Variants in TEAD4 observed in about 807,000 individuals in gnomAD.
TEAD4 encodes the protein transcriptional enhancer factor TEF-3.
A neutral mutation model predicts 52.4 loss-of-function variants in TEAD4; 36 were observed. The ratio of observed to expected loss-of-function variants is 0.69; its 90% CI spans 0.53 to 0.91. TEAD4 has a LOEUF of 0.91. TEAD4 is among the 40% of genes least tolerant of loss of function. The probability of loss-of-function intolerance (pLI) is 0.00; values close to 1 mark genes in which losing one functional copy is unlikely to be tolerated. For synonymous variants in TEAD4, 220 were observed against 231.0 expected (o/e 0.95, Z 0.43); for missense variants, 508 against 583.9 (o/e 0.87, Z 1.34).
intron 2 of TEAD4, among the ~76,000 whole-genome samples, chr12:2,966,375 C>G (rs982173502): frequency 6.6e-6 from 1 of 151,392 alleles, no homozygotes; most frequent in Admixed American, 6.6e-5. Flanking sequence ...CTCCCAGGAG[C>G]CTGTGTGGCC....
At chr12:2,978,909 A>G (rs1343770781) in intron 2 of TEAD4, among the ~76,000 whole-genome samples, 1 of 151,274 alleles carries the variant, frequency 6.6e-6, no homozygotes, top group East Asian at 2.0e-4. Flanking sequence ...TCAGAATTTC[A>G]TGCCTTTTTT....
intron 3 of TEAD4, among the ~76,000 whole-genome samples, chr12:2,997,748 A>G (rs2098248359): frequency 7.1e-6 from 1 of 140,790 alleles, no homozygotes. Flanking sequence ...CTAAATCAAC[A>G]GACATTTGTG....
At chr12:3,010,673 A>G (rs551870005) in intron 3 of TEAD4, among the ~76,000 whole-genome samples, 1 of 152,258 alleles carries the variant, frequency 6.6e-6, no homozygotes, top group East Asian at 1.9e-4. Context: ...GTGTGGGGAG[A>G]GGAGAGGAGG....
chr12:2,975,898 C>T (rs2098229250), intron 2 of TEAD4, among the ~76,000 whole-genome samples: 1 of 152,108 alleles, frequency 6.6e-6, no homozygotes, highest in Non-Finnish European at 1.5e-5. Flanking sequence ...GTAGTTTTGC[C>T]TTTTCTAGAA....
rs1482022775 is a variant in TEAD4 at position 3,039,986 on chromosome 12, T to TG, written c.1039-116dup. 4 of 1,365,204 alleles carry TG rather than the reference T, an allele frequency of 2.9e-6. No individual in the cohort carries two copies. The South Asian group carries it at 5.5e-5, about 19-fold the overall frequency. The allele number at this position is 1,365,204 out of a possible 1,614,324, so 84.6% of individuals were successfully genotyped here. A position where few individuals can be genotyped will look rare whatever the true frequency, so the allele number is the denominator to read the frequency against. ...ACAGGTGTGAGCCACTGCCCCTGGC[T>TG]GGGGGTGACTCTTTTCTTAAGGGCC... On this transcript the variant is annotated intron_variant, in intron 11 of 12. Transcript: ENST00000359864.
At chr12:3,018,949 C>T (rs60761208) in intron 7 of TEAD4, among the ~76,000 whole-genome samples, 166 bp from the exon 8 acceptor site, 2 of 152,028 alleles carry the variant, frequency 1.3e-5, no homozygotes, top group Admixed American at 6.5e-5. Flanking sequence ...GGACCCGCCA[C>T]GAAACCCAGG....
intron 3 of TEAD4, 91 bp downstream of exon 3, chr12:2,995,083 G>A: frequency 2.0e-6 from 3 of 1,487,794 alleles, no homozygotes; most frequent in Non-Finnish European, 2.7e-6. Context: ...CCACAGAAGG[G>A]GATGACCACT....
At chr12:2,989,516 G>A (rs1009320983) in intron 2 of TEAD4, among the ~76,000 whole-genome samples, 3 of 152,176 alleles carry the variant, frequency 2.0e-5, no homozygotes, top group East Asian at 3.9e-4. Flanking sequence ...TGGGCTCACC[G>A]CAACCTCTAC....
At chr12:2,969,454 G>C (rs1036983319) in intron 2 of TEAD4, among the ~76,000 whole-genome samples, 2 of 152,172 alleles carry the variant, frequency 1.3e-5, no homozygotes, top group Non-Finnish European at 2.9e-5. Flanking sequence ...ACTGTACATA[G>C]AGTTTCATTA....
chr12:2,995,745 G>A (rs1274711904), intron 3 of TEAD4, among the ~76,000 whole-genome samples: 2 of 152,180 alleles, frequency 1.3e-5, no homozygotes, highest in African/African-American at 4.8e-5. Flanking sequence ...GCTCACTCAA[G>A]CCTGTGATTC....
At chr12:3,038,432 G>A (rs975308679) in intron 11 of TEAD4, among the ~76,000 whole-genome samples, 2 of 152,236 alleles carry the variant, frequency 1.3e-5, no homozygotes, top group Non-Finnish European at 2.9e-5. Context: ...CTTCACAGTG[G>A]AGGCCCAGAG....
chr12:2,962,328 A>ATG (rs1491486006), intron 2 of TEAD4, among the ~76,000 whole-genome samples: 45 of 5,894 alleles, frequency 7.6e-3, no homozygotes, highest in African/African-American at 0.011. Context: ...ATATATATAA[A>ATG]TATAAATATA....
intron 10 of TEAD4, among the ~76,000 whole-genome samples, chr12:3,024,005 T>A (rs370809722): frequency 2.2e-4 from 33 of 152,282 alleles, no homozygotes; most frequent in African/African-American, 7.9e-4. Context: ...TTAGCTGTGT[T>A]ACATCACTTT....
At chr12:3,023,373 T>A (rs999533251) in intron 10 of TEAD4, among the ~76,000 whole-genome samples, 1 of 152,190 alleles carries the variant, frequency 6.6e-6, no homozygotes, top group African/African-American at 2.4e-5. Context: ...TACTAAAGTT[T>A]GAGTTTTAAC....
intron 2 of TEAD4, among the ~76,000 whole-genome samples, chr12:2,990,178 T>C (rs1174751329): frequency 6.6e-6 from 1 of 152,210 alleles, no homozygotes; most frequent in Non-Finnish European, 1.5e-5. Flanking sequence ...ATGTTTATTT[T>C]TAAATGTTTG....
chr12:2,963,814 G>A (rs1342019366), intron 2 of TEAD4, among the ~76,000 whole-genome samples: 1 of 152,164 alleles, frequency 6.6e-6, no homozygotes, highest in Non-Finnish European at 1.5e-5. Context: ...TTTAATACAG[G>A]GGGGCTCCTG....
At chr12:2,970,463 CATA>C (rs1430300423) in intron 2 of TEAD4, among the ~76,000 whole-genome samples, 1 of 152,214 alleles carries the variant, frequency 6.6e-6, no homozygotes, top group African/African-American at 2.4e-5. Flanking sequence ...TTCCCCGGCA[CATA>C]ATAACCACTG....
rs555272304 is a variant in TEAD4, at chr12:3,021,979, C to T, written c.859C>T (p.Arg287Trp). 16 of 1,614,236 alleles carry T rather than the reference C, an allele frequency of 9.9e-6. No homozygotes were observed. The highest frequency in any genetic ancestry group is 1.6e-4 in the Middle Eastern group (1 of 6,062). Residue 287 changes from arginine (R) to tryptophan (W), a missense_variant, in exon 10 of 13, where the codon CGG (arginine) becomes TGG (tryptophan). Arg to Trp is a moderately radical substitution (Grantham distance 101). Transcript: ENST00000359864. Reference sequence around the variant, plus strand: ...GGGTGGACTCAAGGATCTCTTCGAACGGGGACCCTCCAATGCCTTTTTTCT... The same window carrying T: ...GGGTGGACTCAAGGATCTCTTCGAATGGGGACCCTCCAATGCCTTTTTTCT...
intron 2 of TEAD4, 178 bp downstream of exon 2, chr12:2,960,218 G>T (rs1182920744): frequency 4.4e-6 from 4 of 914,590 alleles, no homozygotes; most frequent in Non-Finnish European, 5.2e-6. Flanking sequence ...GGACACTCGG[G>T]ACTTTGGGGG....
Sources: gnomAD v4.1 joint callset for allele counts (sites outside exome capture counted in the v4.1 genomes callset) on GRCh38, gnomAD v4.1.1 for gene constraint, MANE v1.5 for transcripts, NCBI Gene and HGNC (gene_info 2026-07-23, HGNC 2026-07-21) for gene names.